The following ACVR1 variants were observed in gnomAD, a reference collection of about 807,000 sequenced individuals.
ACVR1 encodes activin A receptor type 1, also known as activin receptor type-1.
In ACVR1, 38 loss-of-function variants were observed where a neutral mutation model predicts 57.1. The observed-to-expected ratio is 0.67, with a 90% CI of 0.51 to 0.87. The LOEUF (loss-of-function observed/expected upper bound fraction) is 0.87, where lower values mean the gene tolerates loss of function less well. Ranked by LOEUF, ACVR1 falls within the 40% of genes least tolerant of loss-of-function variation. The pLI, the probability that ACVR1 is intolerant of heterozygous loss-of-function variation, is 0.00. For synonymous variants in ACVR1, 212 were observed against 228.1 expected (o/e 0.93, Z 0.63); for missense variants, 463 against 638.2 (o/e 0.73, Z 2.96).
intron 1 of ACVR1, among the ~76,000 whole-genome samples, chr2:157,826,924 GGAAA>G (rs887794766): frequency 1.4e-4 from 18 of 128,104 alleles, no homozygotes; most frequent in African/African-American, 4.0e-4. Flanking sequence ...AGGAAGGAAG[GGAAA>G]GAAAGAAAGA....
In ACVR1 at chr2:157,805,813, CTTTTTTCTTTTTTTTTT is replaced by C. The variant is rs1419739670; in HGVS notation, c.-7-6330_-7-6314del. Among the ~76,000 whole-genome samples the C allele has an allele frequency of 6.8e-4, 66 of 96,886 alleles. 2 individuals carry two copies. The South Asian group carries it at 0.026, about 39-fold the overall frequency. The allele number at this position is 96,886 out of a possible 152,430, so 63.6% of individuals were successfully genotyped here. ...GTTTGTTTGTTTGGGTTTTTTTTTT[CTTTTTTCTTTTTTTTTT>C]TTTTTTTTTTTGAGACGAGGTCTTG... On this transcript the variant is annotated intron_variant, in intron 2 of 10. Transcript: ENST00000434821.
chr2:157,860,438 G>A (rs1292732590), intron 1 of ACVR1, among the ~76,000 whole-genome samples: 1 of 152,196 alleles, frequency 6.6e-6, no homozygotes, highest in Non-Finnish European at 1.5e-5. Flanking sequence ...CAGCTGTGAG[G>A]CTACAAAGAC....
chr2:157,782,520 T>A (rs13021202), intron 3 of ACVR1, among the ~76,000 whole-genome samples: 2 of 152,114 alleles, frequency 1.3e-5, no homozygotes, highest in Non-Finnish European at 2.9e-5. Flanking sequence ...TCTATGAGGA[T>A]GAGAAACATG....
chr2:157,856,375 G>T (rs145340741), intron 1 of ACVR1, among the ~76,000 whole-genome samples: 1 of 152,266 alleles, frequency 6.6e-6, no homozygotes, highest in East Asian at 1.9e-4. Context: ...AAAACTTGCT[G>T]ATCCCAGTTC....
chr2:157,785,879 G>A (rs1686694192), intron 3 of ACVR1, among the ~76,000 whole-genome samples: 1 of 152,170 alleles, frequency 6.6e-6, no homozygotes, highest in Non-Finnish European at 1.5e-5. Context: ...ACACAAGCCT[G>A]ACTCTCTCGG....
At chr2:157,749,262 T>C (rs1685087585) in intron 9 of ACVR1, among the ~76,000 whole-genome samples, 3 of 152,212 alleles carry the variant, frequency 2.0e-5, no homozygotes, top group Admixed American at 6.5e-5. Flanking sequence ...TGTGGCTGAT[T>C]TGGGTACATG....
intron 9 of ACVR1, among the ~76,000 whole-genome samples, chr2:157,753,469 A>C (rs1319935989): frequency 6.6e-6 from 1 of 152,186 alleles, no homozygotes; most frequent in Non-Finnish European, 1.5e-5. Context: ...TGGAGGTTGC[A>C]GTGAGTAAAG....
At chr2:157,868,529 C>T (rs1690018310) in intron 1 of ACVR1, among the ~76,000 whole-genome samples, 1 of 151,870 alleles carries the variant, frequency 6.6e-6, no homozygotes, top group Non-Finnish European at 1.5e-5. Context: ...ATAACTTGGC[C>T]TCTAAATAAA....
At chr2:157,847,543 CT>C (rs1689162679) in intron 1 of ACVR1, among the ~76,000 whole-genome samples, 1 of 152,184 alleles carries the variant, frequency 6.6e-6, no homozygotes, top group Non-Finnish European at 1.5e-5. Context: ...TATTTAACCA[CT>C]GTTAAGTCCC....
At chr2:157,871,604 A>C (rs1475944687) in intron 1 of ACVR1, among the ~76,000 whole-genome samples, 2 of 152,228 alleles carry the variant, frequency 1.3e-5, no homozygotes, top group African/African-American at 4.8e-5. Context: ...GGCAAAGTGG[A>C]ATGTTGGTCA....
intron 3 of ACVR1, among the ~76,000 whole-genome samples, chr2:157,785,327 A>G (rs1307104688): frequency 1.3e-5 from 2 of 152,248 alleles, no homozygotes; most frequent in Non-Finnish European, 2.9e-5. Context: ...CAATTCATTC[A>G]TTTGAAATGG....
intron 3 of ACVR1, among the ~76,000 whole-genome samples, chr2:157,789,974 C>T (rs540402554): frequency 7.9e-5 from 12 of 152,316 alleles, no homozygotes; most frequent in Admixed American, 7.8e-4. Flanking sequence ...AGTCTTCAGG[C>T]ACATACTGTA....
At chr2:157,791,121 C>T (rs1170791832) in intron 3 of ACVR1, among the ~76,000 whole-genome samples, 11 of 152,240 alleles carry the variant, frequency 7.2e-5, no homozygotes, top group Admixed American at 6.5e-4. Flanking sequence ...ATGTGGAATG[C>T]AGGCCTTTCC....
intron 1 of ACVR1, among the ~76,000 whole-genome samples, chr2:157,837,315 G>A (rs1401307349): frequency 6.6e-6 from 1 of 152,096 alleles, no homozygotes; most frequent in Non-Finnish European, 1.5e-5. Context: ...CTGACCATGA[G>A]GCAGTAAGTT....
At chr2:157,770,865 C>G (rs1465432947) in intron 6 of ACVR1, among the ~76,000 whole-genome samples, 2 of 152,098 alleles carry the variant, frequency 1.3e-5, no homozygotes, top group Non-Finnish European at 2.9e-5. Flanking sequence ...GAAAGTAAAA[C>G]TTAGGAAATG....
chr2:157,788,951 C>T (rs933402351), intron 3 of ACVR1, among the ~76,000 whole-genome samples: 2 of 152,156 alleles, frequency 1.3e-5, no homozygotes. Context: ...GTCTTCAACC[C>T]CAGGAAGATG....
chr2:157,752,435 C>T (rs745504632), intron 9 of ACVR1, among the ~76,000 whole-genome samples: 20 of 152,084 alleles, frequency 1.3e-4, no homozygotes, highest in Non-Finnish European at 2.9e-4. Flanking sequence ...CTAGCTCACC[C>T]GCACTGGATC....
intron 5 of ACVR1, among the ~76,000 whole-genome samples, chr2:157,775,863 C>T (rs1173718167): frequency 6.6e-6 from 1 of 152,204 alleles, no homozygotes; most frequent in Non-Finnish European, 1.5e-5. Flanking sequence ...TATCCCAACT[C>T]TCAGATGCCA....
intron 2 of ACVR1, among the ~76,000 whole-genome samples, chr2:157,801,459 T>C (rs924233057): frequency 1.3e-5 from 2 of 152,218 alleles, no homozygotes; most frequent in African/African-American, 2.4e-5. Context: ...AACAGTAGAC[T>C]TAACATCGCT....
Sources: gnomAD v4.1 joint callset for allele counts (sites outside exome capture counted in the v4.1 genomes callset) on GRCh38, gnomAD v4.1.1 for gene constraint, MANE v1.5 for transcripts, NCBI Gene and HGNC (gene_info 2026-07-23, HGNC 2026-07-21) for gene names.